SVOPL: variants seen among roughly 807,000 people sequenced by gnomAD.
The protein encoded by SVOPL is putative transporter SVOPL.
SVOPL carries 60 observed loss-of-function variants against 61.0 expected under a neutral mutation model. The observed-to-expected ratio is 0.98, with a 90% CI of 0.80 to 1.22. SVOPL has a LOEUF of 1.22. Ranked by LOEUF, SVOPL falls within the 50% of genes most tolerant of loss-of-function variation. SVOPL has a pLI of 0.00. For synonymous variants in SVOPL, 279 were observed against 250.0 expected (o/e 1.12, Z -1.09); for missense variants, 662 against 643.9 (o/e 1.03, Z -0.30).
intron 14 of SVOPL, among the ~76,000 whole-genome samples, chr7:138,609,731 G>C (rs2116805129): frequency 6.6e-6 from 1 of 150,726 alleles, no homozygotes; most frequent in Admixed American, 6.6e-5. Flanking sequence ...GGGGGGGTGG[G>C]GGCGTTGGGG....
rs892657586 is a variant in SVOPL at position 138,672,052 on chromosome 7, T to G, written c.240A>C (p.Gln80His). The G allele has an allele frequency of 4.5e-6, 7 of 1,551,550 alleles. No individual in the cohort carries two copies. In the East Asian group the frequency reaches 1.7e-4, roughly 38 times the overall value. Residue 80 changes from glutamine to histidine, a missense_variant, in exon 4 of 16, where the codon CAA becomes CAC. Physicochemically the swap from Gln to His is conservative, Grantham distance 24. Transcript: ENST00000674285. Reference protein sequence around the residue: ...VVSPVIRCEWQLENWQVALVT... With the variant: ...VVSPVIRCEWHLENWQVALVT... ...CTAATGCCACCTGCCAATTCTCCAG[T>G]TGCCATTCACAGCGGATGACAGGAG...
At chr7:138,639,322 C>T (rs529628041) in intron 9 of SVOPL, among the ~76,000 whole-genome samples, 1 of 149,708 alleles carries the variant, frequency 6.7e-6, no homozygotes, top group South Asian at 2.1e-4. Flanking sequence ...TAAGTGGGTC[C>T]AACTCATTAT....
chr7:138,624,900 G>A (rs1273548939), intron 13 of SVOPL, among the ~76,000 whole-genome samples: 1 of 151,746 alleles, frequency 6.6e-6, no homozygotes, highest in South Asian at 2.1e-4. Context: ...TGGCATTTTG[G>A]TTTCCTTGCC....
chr7:138,678,058 G>T (rs758599552), intron 3 of SVOPL, among the ~76,000 whole-genome samples: 6 of 152,106 alleles, frequency 3.9e-5, no homozygotes, highest in Non-Finnish European at 8.8e-5. Flanking sequence ...CAGCCACCGT[G>T]TGTGGCCACA....
intron 3 of SVOPL, among the ~76,000 whole-genome samples, chr7:138,674,934 G>A (rs544405922): frequency 6.6e-6 from 1 of 151,996 alleles, no homozygotes; most frequent in East Asian, 1.9e-4. Context: ...GTGGAGGAGA[G>A]TTAATAGTAA....
chr7:138,676,642 A>C (rs928298274), intron 3 of SVOPL, among the ~76,000 whole-genome samples: 1 of 152,190 alleles, frequency 6.6e-6, no homozygotes, highest in Admixed American at 6.5e-5. Context: ...GTGCCTCTTA[A>C]AGGATCTGAA....
chr7:138,662,536 T>G lies in SVOPL; in HGVS notation c.345+538A>C, dbSNP rs1408453515. 9 of 985,654 alleles carry G rather than the reference T, an allele frequency of 9.1e-6. No individual in the cohort carries two copies. The African/African-American group carries it at 1.0e-4, about 11-fold the overall frequency. The allele number at this position is 985,654 out of a possible 1,614,324, so 61.1% of individuals were successfully genotyped here. A position where few individuals can be genotyped will look rare whatever the true frequency, so the allele number is the denominator to read the frequency against. On this transcript the variant is annotated intron_variant, in intron 5 of 15. Transcript: ENST00000674285. ...GCTGTTGCAGCAGTGGACTAGTCAT[T>G]TAAATGAAAACCAGAGGAAAAAACC...
At chr7:138,608,938 C>A (rs1033581409) in intron 14 of SVOPL, among the ~76,000 whole-genome samples, 3 of 152,058 alleles carry the variant, frequency 2.0e-5, no homozygotes, top group African/African-American at 7.2e-5. Context: ...GCTAAAAATC[C>A]TTTATAGACA....
At chr7:138,675,956 A>C (rs1802549124) in intron 3 of SVOPL, among the ~76,000 whole-genome samples, 1 of 152,248 alleles carries the variant, frequency 6.6e-6, no homozygotes, top group South Asian at 2.1e-4. Context: ...CTCCTGCCTC[A>C]GCCTCCCAAG....
intron 9 of SVOPL, among the ~76,000 whole-genome samples, chr7:138,636,191 G>A (rs1209692774): frequency 6.6e-6 from 1 of 152,080 alleles, no homozygotes; most frequent in Non-Finnish European, 1.5e-5. Flanking sequence ...GCCTCCCAAA[G>A]TGCTGGGATT....
intron 9 of SVOPL, among the ~76,000 whole-genome samples, chr7:138,631,216 G>C (rs1032658373): frequency 1.3e-5 from 2 of 152,030 alleles, no homozygotes; most frequent in African/African-American, 4.8e-5. Context: ...TTTTTGTGGG[G>C]CACGTAGTAG....
rs767811732 is a variant in SVOPL, at chr7:138,644,718, A to T, written c.788T>A (p.Leu263Gln). ...MPEGKLVEPV[L>Q]EKRGRFADLL... is the part of the protein sequence containing the mutation. The stretch of plus-strand genomic sequence containing the variant: ...AAGACCTCGGGGGCCAGCACTCACC[A>T]GGACGGGCTCCACCAGCTTCCCCTC... Residue 263 changes from leucine to glutamine, a missense_variant and splice_region_variant, in exon 9 of 16, where the codon CTG becomes CAG. Physicochemically the swap from Leu to Gln is moderately radical, Grantham distance 113. Transcript: ENST00000674285. The T allele has an allele frequency of 1.5e-5, 24 of 1,613,928 alleles. No individual in the cohort carries two copies. Among genetic ancestry groups the T allele is most frequent in the Non-Finnish European group, 2.0e-5 (24 of 1,179,980 alleles).
At chr7:138,656,597 G>A (rs1422777366) in intron 6 of SVOPL, 86 bp from the exon 7 acceptor site, 4 of 1,399,906 alleles carry the variant, frequency 2.9e-6, no homozygotes, top group Non-Finnish European at 4.0e-6. Flanking sequence ...TTGTCACAGG[G>A]ATAAAGAATT....
At chr7:138,649,746 A>G (rs571821704) in intron 7 of SVOPL, among the ~76,000 whole-genome samples, 30 of 152,320 alleles carry the variant, frequency 2.0e-4, no homozygotes, top group African/African-American at 7.0e-4. Flanking sequence ...GCAATGAATA[A>G]GCAAGCCAGT....
At chr7:138,633,983 G>A (rs1330799184) in intron 9 of SVOPL, among the ~76,000 whole-genome samples, 2 of 152,174 alleles carry the variant, frequency 1.3e-5, no homozygotes, top group African/African-American at 2.4e-5. Context: ...AGGATTCAGG[G>A]CATGGGTAGC....
At chr7:138,602,374 C>G (rs1256901962) in intron 14 of SVOPL, among the ~76,000 whole-genome samples, 1 of 151,312 alleles carries the variant, frequency 6.6e-6, no homozygotes, top group Non-Finnish European at 1.5e-5. Flanking sequence ...AATCTATGCA[C>G]CTACTTAAAA....
At chr7:138,615,358 C>A (rs575030172) in intron 14 of SVOPL, among the ~76,000 whole-genome samples, 64 of 152,240 alleles carry the variant, frequency 4.2e-4, no homozygotes, top group Non-Finnish European at 8.1e-4. Context: ...GAGATCAAGA[C>A]CATCCTGGCT....
At chr7:138,666,775 G>T (rs1256871566) in intron 4 of SVOPL, among the ~76,000 whole-genome samples, 1 of 152,194 alleles carries the variant, frequency 6.6e-6, no homozygotes, top group African/African-American at 2.4e-5. Context: ...AAGTGAACAT[G>T]TGATGTATGT....
At chr7:138,678,572 G>A in intron 2 of SVOPL, 47 bp from the exon 3 acceptor site, 1 of 1,526,752 alleles carries the variant, frequency 6.5e-7, no homozygotes, top group South Asian at 1.2e-5. Flanking sequence ...GCAGGGAAGG[G>A]AATGCGTGTG....
Sources: gnomAD v4.1 joint callset for allele counts (sites outside exome capture counted in the v4.1 genomes callset) on GRCh38, gnomAD v4.1.1 for gene constraint, MANE v1.5 for transcripts, NCBI Gene and HGNC (gene_info 2026-07-23, HGNC 2026-07-21) for gene names.